Variants in HARS2 observed in about 807,000 individuals in gnomAD.
HARS2 encodes the protein histidine--tRNA ligase, mitochondrial.
Under a neutral mutation model 62.4 loss-of-function variants are expected in HARS2, and 40 were observed. The observed-to-expected ratio is 0.64, with a 90% confidence interval of 0.50 to 0.83. HARS2 has a LOEUF of 0.83. Among genes scored for constraint, HARS2 ranks in the 40% least tolerant of loss-of-function variants. HARS2 has a pLI of 0.00. For synonymous variants in HARS2, 228 were observed against 227.0 expected, an observed-to-expected ratio of 1.00 and a Z score of -0.04; for missense variants, 569 against 626.4, an observed-to-expected ratio of 0.91 and a Z score of 0.98.
At chr5:140,693,103 G>A (rs1007472425) in intron 1 of HARS2, among the ~76,000 whole-genome samples, 1 of 151,902 alleles carries the variant, frequency 6.6e-6, no homozygotes, top group South Asian at 2.1e-4. Flanking sequence ...GGAGGCTGAA[G>A]CGGTTGGATC....
Position 140,698,881 on chromosome 5 carries a change from T to G in HARS2, c.*329T>G. ...AGGCTCTGGGAGAGTCACCTCAGGC[T>G]CAGGATTCTGAACCATTGAGATCAG... On this transcript the variant is annotated 3_prime_UTR_variant, in exon 13 of 13. Transcript: ENST00000230771. 2.5e-6 allele frequency: 1 copy of G among 395,486 alleles called. No homozygotes were observed. The highest frequency in any genetic ancestry group is 2.3e-5 in the South Asian group (1 of 43,460). 24.5% of individuals were successfully genotyped at this position (395,486 alleles called of 1,614,324 possible).
At chr5:140,697,757 T>C (rs1759811243) in intron 11 of HARS2, 72 bp downstream of exon 11, 9 of 1,300,416 alleles carry the variant, frequency 6.9e-6, no homozygotes, top group African/African-American at 1.5e-5. Context: ...ATCTATCTTA[T>C]GTCTGGGGTG....
chr5:140,697,788 C>A, intron 11 of HARS2, 103 bp downstream of exon 11: 1 of 1,225,966 alleles, frequency 8.2e-7, no homozygotes, highest in Non-Finnish European at 1.2e-6. Context: ...CCTTTTTAGT[C>A]TGCTAGCTAC....
At chr5:140,696,839 T>TC in intron 8 of HARS2, 104 bp from the exon 9 acceptor site, 1 of 1,114,132 alleles carries the variant, frequency 9.0e-7, no homozygotes, top group Non-Finnish European at 1.3e-6. Context: ...TTTTTTTTTT[T>TC]TTTTTTTTTT....
intron 11 of HARS2, 45 bp from the exon 12 acceptor site, chr5:140,697,887 C>A: frequency 6.3e-7 from 1 of 1,597,094 alleles, no homozygotes; most frequent in Non-Finnish European, 8.6e-7. Context: ...AGGTTTGTTG[C>A]TGTGTTCACT....
chr5:140,695,642 C>T lies in HARS2; in HGVS notation c.525+9C>T, dbSNP rs752313424. On this transcript the variant is annotated intron_variant, in intron 5 of 12. Coordinates refer to ENST00000230771, the MANE Select transcript of HARS2 (RefSeq NM_012208.4). ...GGGAGTTCTGCCAGTGTGTAAGTGACCTGATGGGAGCAGCACAGTTTGATA... is the reference window on the plus strand; with the variant it reads ...GGGAGTTCTGCCAGTGTGTAAGTGATCTGATGGGAGCAGCACAGTTTGATA... The T allele has an allele frequency of 3.7e-6, 6 of 1,614,214 alleles. No homozygotes were observed. The highest frequency in any genetic ancestry group is 5.1e-6 in the Non-Finnish European group (6 of 1,180,032).
chr5:140,691,707 T>C lies in HARS2; in HGVS notation c.59T>C (p.Leu20Pro). 1 of 1,552,824 alleles carries C rather than the reference T, an allele frequency of 6.4e-7. No homozygotes were observed. The highest frequency in any genetic ancestry group is 1.2e-5 in the South Asian group (1 of 84,250). ...RAWASLLSQL[L>P]RPPCASCTGA... Reference sequence around the variant, plus strand: ...TGGGCTTCGCTGCTCAGCCAGCTCCTGCGACCGCCCTGCGCTTCGTGCACC... The same window carrying C: ...TGGGCTTCGCTGCTCAGCCAGCTCCCGCGACCGCCCTGCGCTTCGTGCACC... The change falls in exon 1 of 13, where the codon CTG becomes CCG. Residue 20 changes from leucine to proline, a missense_variant. Physicochemically the swap from Leu to Pro is moderately conservative, Grantham distance 98. Coordinates refer to ENST00000230771, the MANE Select transcript of HARS2 (RefSeq NM_012208.4).
intron 1 of HARS2, chr5:140,692,070 C>G (rs1265282889): frequency 5.4e-6 from 2 of 370,962 alleles, no homozygotes; most frequent in Admixed American, 4.3e-5. Flanking sequence ...CTCTTGGACT[C>G]AAACAGTAAC....
Position 140,694,040 on chromosome 5 carries a change from G to C in HARS2, c.289G>C (p.Ala97Pro), listed in dbSNP as rs544665484. ...RHGAKGMDTP[A>P]FELKETLTEK... is the part of the protein sequence containing the mutation. Reference sequence around the variant, plus strand: ...TGGAGCAAAGGGGATGGACACCCCAGCATTTGAGCTGAAGGTAAGGGGAGA... The same window carrying C: ...TGGAGCAAAGGGGATGGACACCCCACCATTTGAGCTGAAGGTAAGGGGAGA... The change falls in exon 3 of 13, where the codon GCA becomes CCA. Residue 97 changes from alanine (A) to proline (P), a missense_variant. Ala to Pro is a conservative substitution (Grantham distance 27, BLOSUM62 -1). Transcript: ENST00000230771. 1.9e-6 allele frequency: 3 copies of C among 1,614,194 alleles called. No individual in the cohort carries two copies. The East Asian group carries it at 6.7e-5, about 36-fold the overall frequency.
In HARS2 at chr5:140,695,757, A is replaced by G; in HGVS notation, c.545A>G (p.Gln182Arg). The change falls in exon 6 of 13, where the codon CAG becomes CGG. Residue 182 changes from glutamine (Q) to arginine (R), a missense_variant. Coordinates refer to ENST00000230771, the MANE Select transcript of HARS2 (RefSeq NM_012208.4). The stretch of plus-strand genomic sequence containing the variant: ...CTGTAGGATTTTGACATTGCTGGTC[A>G]GTTTGACCCTATGATCCCCGATGCA... ...FCQCDFDIAG[Q>R]FDPMIPDAEC... 6.2e-7 allele frequency: 1 copy of G among 1,613,984 alleles called. No homozygotes were observed. Among genetic ancestry groups the G allele is most frequent in the South Asian group, 1.1e-5 (1 of 91,080 alleles).
At chr5:140,696,670 T>G in intron 8 of HARS2, 56 bp downstream of exon 8, 1 of 1,190,258 alleles carries the variant, frequency 8.4e-7, no homozygotes, top group Non-Finnish European at 1.3e-6. Flanking sequence ...TGACATGTGC[T>G]CAAATTCTAC....
chr5:140,692,007 A>G, intron 1 of HARS2: 4 of 569,426 alleles, frequency 7.0e-6, no homozygotes, highest in Non-Finnish European at 1.3e-5. Context: ...TGACTTATAC[A>G]CGGATATGTA....
Position 140,698,483 on chromosome 5 carries a change from T to C in HARS2, c.1462-10T>C. On this transcript the variant is annotated splice_polypyrimidine_tract_variant and intron_variant, in intron 12 of 12. Coordinates refer to ENST00000230771, the MANE Select transcript of HARS2 (RefSeq NM_012208.4). ...CTAGTTTATCACATGAGGATTCTCT[T>C]ATGTTTCAGGTGGCCATTAAACGGG... The C allele has an allele frequency of 1.3e-6, 2 of 1,592,188 alleles. No homozygotes were observed. Among genetic ancestry groups the C allele is most frequent in the Non-Finnish European group, 1.7e-6 (2 of 1,160,024 alleles).
chr5:140,698,992 G>C lies in HARS2; in HGVS notation c.*440G>C, dbSNP rs913899288. On this transcript the variant is annotated 3_prime_UTR_variant, in exon 13 of 13. Coordinates refer to ENST00000230771, the MANE Select transcript of HARS2 (RefSeq NM_012208.4). ...AATCAGCCATTGGCCTGTCTGGGGA[G>C]TTTTTGGAAGACAGCAAAGAGGGGC... 2 of 274,674 alleles carry C rather than the reference G, an allele frequency of 7.3e-6. No homozygotes were observed. Among genetic ancestry groups the C allele is most frequent in the South Asian group, 7.9e-5 (2 of 25,272 alleles). 17.0% of individuals were successfully genotyped at this position (274,674 alleles called of 1,614,324 possible).
chr5:140,694,921 G>A (rs1293625918), intron 4 of HARS2, among the ~76,000 whole-genome samples: 1 of 152,158 alleles, frequency 6.6e-6, no homozygotes, highest in East Asian at 1.9e-4. Flanking sequence ...ACTCCAGCCT[G>A]GGTGACAAGA....
chr5:140,694,432 GCCTGGAGC>G (rs1759669937), intron 4 of HARS2, 152 bp downstream of exon 4: 1 of 709,494 alleles, frequency 1.4e-6, no homozygotes, highest in African/African-American at 1.8e-5. Context: ...CGGAAGCCTG[GCCTGGAGC>G]CCTGTCATTT....
At position 140,696,550 on chromosome 5, in the gene HARS2, G is replaced by A. The variant is rs1320722741; in HGVS notation, c.762G>A (p.Met254Ile). ...KMAWKDVRHE[M>I]VVKKGLAPEV... ...CTTGGAAAGATGTGAGACATGAGAT[G>A]GTGGTGAAGAAAGGCCTGGCTCCTG... The change falls in exon 8 of 13, where the codon ATG becomes ATA. Residue 254 changes from methionine to isoleucine, a missense_variant. Transcript: ENST00000230771. 6.2e-7 allele frequency: 1 copy of A among 1,613,770 alleles called. No individual in the cohort carries two copies.
chr5:140,696,847 T>TTC lies in HARS2; in HGVS notation c.827-95_827-94insCT, dbSNP rs1759762626. 8 of 1,121,014 alleles carry TTC rather than the reference T, an allele frequency of 7.1e-6. No homozygotes were observed. In the East Asian group the frequency reaches 1.9e-4, roughly 27 times the overall value. The allele number at this position is 1,121,014 out of a possible 1,614,324, so 69.4% of individuals were successfully genotyped here. ...TGGGATCTTTTTTTTTTTTTTTTTT[T>TTC]TTTAAAGAAAATGAGGAAGACTAGC... On this transcript the variant is annotated intron_variant, in intron 8 of 12. Transcript: ENST00000230771.
chr5:140,695,905 A>C (rs1581547961), intron 6 of HARS2, 60 bp downstream of exon 6: 1 of 1,311,332 alleles, frequency 7.6e-7, no homozygotes, highest in East Asian at 2.3e-5. Flanking sequence ...CTGTTTATGC[A>C]AGTCCCAAAC....
Sources: allele counts gnomAD v4.1 joint callset (sites outside exome capture counted in the v4.1 genomes callset), GRCh38; gene constraint gnomAD v4.1.1; transcripts MANE v1.5; gene names NCBI Gene and HGNC (gene_info 2026-07-23, HGNC 2026-07-21).